NOX4: variants seen among roughly 807,000 people sequenced by gnomAD.
NOX4 encodes kidney oxidase-1.
Under a neutral mutation model 87.6 loss-of-function variants are expected in NOX4, and 69 were observed. That is an observed-to-expected ratio of 0.79 (90% CI 0.65 to 0.96). The LOEUF (loss-of-function observed/expected upper bound fraction) is 0.96, where lower values mean the gene tolerates loss of function less well. Among genes scored for constraint, NOX4 ranks in the 40% least tolerant of loss-of-function variants. The pLI is 0.00. For missense variants in NOX4, 680 were observed against 681.5 expected (o/e 1.00, Z 0.02); for synonymous variants, 275 against 238.2 (o/e 1.15, Z -1.42).
the NOX4 span, among the ~76,000 whole-genome samples, chr11:89,506,817 T>C: frequency 6.6e-6 from 1 of 151,832 alleles, no homozygotes; most frequent in Non-Finnish European, 1.5e-5. Context: ...TAGGCAAACA[T>C]AACTAAACAC....
At chr11:89,336,146 A>G (rs1023594577) in intron 16 of NOX4, 6 of 384,980 alleles carry the variant, frequency 1.6e-5, no homozygotes, top group African/African-American at 1.0e-4. Context: ...ATCTCCTTGA[A>G]TTCCATTTGT....
chr11:89,440,711 G>C lies in NOX4; in HGVS notation c.452C>G (p.Pro151Arg), dbSNP rs1186988152. Residue 151 changes from proline (P) to arginine (R), a missense_variant, in exon 6 of 18, where the codon CCT becomes CGT. Pro to Arg is a moderately radical substitution (Grantham distance 103, BLOSUM62 -2). Coordinates refer to ENST00000263317, the MANE Select transcript of NOX4 (RefSeq NM_016931.5). ...ACCAGTTGTGAAGAGAAGTTTTCTA[G>C]GATCCTGAGAAAAAGAAAAAAAAAT... is the stretch of plus-strand genomic sequence containing the variant. Reference protein sequence around the residue: ...LNAARYRDEDPRKLLFTTVPG... With the variant: ...LNAARYRDEDRRKLLFTTVPG... 6.5e-7 allele frequency: 1 copy of C among 1,536,070 alleles called. No homozygotes were observed. The highest frequency in any genetic ancestry group is 1.2e-5 in the South Asian group (1 of 83,616).
chr11:89,559,588 T>C, the NOX4 span, among the ~76,000 whole-genome samples: 2 of 152,178 alleles, frequency 1.3e-5, no homozygotes, highest in African/African-American at 4.8e-5. Context: ...ATATAATAGA[T>C]GCAAATAATC....
At chr11:89,382,822 G>A (rs930975605) in intron 11 of NOX4, among the ~76,000 whole-genome samples, 2 of 152,098 alleles carry the variant, frequency 1.3e-5, no homozygotes, top group African/African-American at 4.8e-5. Context: ...GGTGGCTGGA[G>A]CTAAAGGCAT....
intron 2 of NOX4, among the ~76,000 whole-genome samples, chr11:89,476,922 A>T (rs1946191485): frequency 6.6e-6 from 1 of 152,198 alleles, no homozygotes; most frequent in African/African-American, 2.4e-5. Context: ...AGATACATAT[A>T]CATAAAACAC....
chr11:89,560,274 C>T, the NOX4 span, among the ~76,000 whole-genome samples: 1 of 152,074 alleles, frequency 6.6e-6, no homozygotes, highest in Admixed American at 6.6e-5. Context: ...TAGGAAGAGA[C>T]AAGGAAGATT....
the NOX4 span, among the ~76,000 whole-genome samples, chr11:89,571,531 G>A: frequency 1.3e-5 from 2 of 151,978 alleles, no homozygotes; most frequent in Admixed American, 6.6e-5. Flanking sequence ...TCCTGACCTC[G>A]TGATCTGCCC....
chr11:89,363,004 C>A (rs1051793560), intron 12 of NOX4, among the ~76,000 whole-genome samples: 9 of 152,186 alleles, frequency 5.9e-5, no homozygotes, highest in African/African-American at 2.2e-4. Context: ...AAAGGTCTAG[C>A]AGAGAAGAGG....
intron 12 of NOX4, among the ~76,000 whole-genome samples, chr11:89,360,310 A>T (rs1178961154): frequency 6.6e-6 from 1 of 152,090 alleles, no homozygotes; most frequent in African/African-American, 2.4e-5. Context: ...GTCATAAGAG[A>T]AAAGACACCG....
At chr11:89,351,337 GC>G (rs1401276317) in intron 13 of NOX4, among the ~76,000 whole-genome samples, 1 of 152,198 alleles carries the variant, frequency 6.6e-6, no homozygotes, top group African/African-American at 2.4e-5. Flanking sequence ...AAGAAAAGAA[GC>G]CATCTCTATA....
intron 7 of NOX4, among the ~76,000 whole-genome samples, chr11:89,427,355 G>T (rs996670774): frequency 1.3e-5 from 2 of 152,146 alleles, no homozygotes; most frequent in African/African-American, 2.4e-5. Context: ...CACTAGCAAT[G>T]GAACAAAGCT....
intron 6 of NOX4, 69 bp downstream of exon 6, chr11:89,440,619 C>T: frequency 9.0e-7 from 1 of 1,106,898 alleles, no homozygotes. Context: ...GCCACTGCGC[C>T]CAGTCCGATA....
intron 7 of NOX4, among the ~76,000 whole-genome samples, chr11:89,426,713 A>G (rs919787375): frequency 1.1e-4 from 16 of 152,122 alleles, no homozygotes; most frequent in Non-Finnish European, 2.1e-4. Context: ...GTAGGTAAAC[A>G]AAGTGGCCTG....
chr11:89,542,118 C>T, the NOX4 span, among the ~76,000 whole-genome samples: 1 of 152,114 alleles, frequency 6.6e-6, no homozygotes, highest in African/African-American at 2.4e-5. Context: ...GGCCAAACTA[C>T]TGTTTAACAC....
At chr11:89,398,885 T>C (rs1941656398) in intron 11 of NOX4, among the ~76,000 whole-genome samples, 1 of 151,834 alleles carries the variant, frequency 6.6e-6, no homozygotes, top group South Asian at 2.1e-4. Context: ...TACAGTAATA[T>C]GGAAAGATGT....
At chr11:89,411,263 G>A (rs183383502) in intron 8 of NOX4, among the ~76,000 whole-genome samples, 1 of 152,268 alleles carries the variant, frequency 6.6e-6, no homozygotes, top group South Asian at 2.1e-4. Flanking sequence ...GTGAGACTGA[G>A]AGATGTACTG....
intron 11 of NOX4, among the ~76,000 whole-genome samples, chr11:89,378,390 G>A (rs779911965): frequency 4.5e-4 from 68 of 152,180 alleles, no homozygotes; most frequent in Admixed American, 1.7e-3. Context: ...ATTTCATAAA[G>A]ATATCCTAAT....
At chr11:89,444,424 A>T (rs540921597) in intron 4 of NOX4, among the ~76,000 whole-genome samples, 192 bp from the exon 5 acceptor site, 2 of 151,864 alleles carry the variant, frequency 1.3e-5, no homozygotes, top group African/African-American at 4.8e-5. Context: ...CAAATTTTCA[A>T]AGGCTGTAAT....
intron 4 of NOX4, among the ~76,000 whole-genome samples, chr11:89,445,257 GA>G (rs1361020437): frequency 6.6e-6 from 1 of 151,952 alleles, no homozygotes; most frequent in African/African-American, 2.4e-5. Flanking sequence ...TTCAAAAGAA[GA>G]CATAGCCTGG....
Sources: gnomAD v4.1 joint callset for allele counts (sites outside exome capture counted in the v4.1 genomes callset) on GRCh38, gnomAD v4.1.1 for gene constraint, MANE v1.5 for transcripts, NCBI Gene and HGNC (gene_info 2026-07-23, HGNC 2026-07-21) for gene names.